Variants in CD247 observed in about 807,000 individuals in gnomAD.
CD247 encodes CD247 molecule.
CD247 carries 13 observed loss-of-function variants against 30.0 expected under a neutral mutation model. That is an observed-to-expected ratio of 0.43 (90% confidence interval 0.28 to 0.69). The LOEUF is 0.69. Ranked by LOEUF, CD247 falls within the 30% of genes least tolerant of loss-of-function variation. CD247 has a pLI of 0.16. For missense variants in CD247, 193 were observed against 212.6 expected (o/e 0.91, Z 0.57); for synonymous variants, 72 against 80.0 (o/e 0.90, Z 0.53).
At chr1:167,439,220 G>T in intron 3 of CD247, 124 bp downstream of exon 3, 1 of 835,658 alleles carries the variant, frequency 1.2e-6, no homozygotes. Context: ...ACAAGTTGCA[G>T]CCGGGTCGCA....
chr1:167,453,905 T>TG (rs1652496750), intron 1 of CD247, among the ~76,000 whole-genome samples: 2 of 152,140 alleles, frequency 1.3e-5, no homozygotes, highest in African/African-American at 4.8e-5. Context: ...TGGAGGCTGC[T>TG]GTGAGCTGTG....
intron 3 of CD247, 77 bp from the exon 4 acceptor site, chr1:167,438,727 G>T: frequency 8.6e-7 from 1 of 1,163,538 alleles, no homozygotes; most frequent in Non-Finnish European, 1.3e-6. Context: ...TGGGGAGTGT[G>T]GTTTCCCTCT....
At chr1:167,479,128 T>C (rs897858057) in intron 1 of CD247, among the ~76,000 whole-genome samples, 2 of 152,210 alleles carry the variant, frequency 1.3e-5, no homozygotes, top group East Asian at 1.9e-4. Context: ...CAAACTCACA[T>C]AGCTAATGGA....
intron 1 of CD247, among the ~76,000 whole-genome samples, chr1:167,516,615 G>A (rs7549528): frequency 0.052 from 7,921 of 152,176 alleles, 690 homozygotes; most frequent in African/African-American, 0.18. Context: ...TCTCTGAGTC[G>A]CGCTTTGCCT....
intron 1 of CD247, among the ~76,000 whole-genome samples, chr1:167,448,767 A>G (rs1652208845): frequency 1.3e-5 from 2 of 152,226 alleles, no homozygotes; most frequent in Non-Finnish European, 2.9e-5. Context: ...ACGCTGAGGC[A>G]AAAGAATCGC....
At chr1:167,455,746 C>G (rs1652622090) in intron 1 of CD247, among the ~76,000 whole-genome samples, 1 of 152,248 alleles carries the variant, frequency 6.6e-6, no homozygotes, top group African/African-American at 2.4e-5. Context: ...GGGCGTGGAT[C>G]TGCGCCGGGC....
At chr1:167,498,849 A>G (rs756061233) in intron 1 of CD247, among the ~76,000 whole-genome samples, 1 of 152,178 alleles carries the variant, frequency 6.6e-6, no homozygotes, top group Non-Finnish European at 1.5e-5. Context: ...CGGACACAAG[A>G]GGCACTTGCA....
intron 1 of CD247, among the ~76,000 whole-genome samples, chr1:167,501,378 G>T (rs533775722): frequency 6.6e-6 from 1 of 152,122 alleles, no homozygotes; most frequent in Non-Finnish European, 1.5e-5. Context: ...TCTTAACCAG[G>T]GGTCATACAT....
chr1:167,508,666 G>A (rs1655251656), intron 1 of CD247, among the ~76,000 whole-genome samples: 1 of 152,170 alleles, frequency 6.6e-6, no homozygotes, highest in Non-Finnish European at 1.5e-5. Context: ...TCTCGACTCT[G>A]TGGAAATCAA....
chr1:167,473,410 A>G (rs1653614794), intron 1 of CD247, among the ~76,000 whole-genome samples: 1 of 152,046 alleles, frequency 6.6e-6, no homozygotes, highest in South Asian at 2.1e-4. Context: ...CCTGCAGACC[A>G]CCCACGCCCA....
At chr1:167,479,801 G>C (rs1458181963) in intron 1 of CD247, among the ~76,000 whole-genome samples, 1 of 152,156 alleles carries the variant, frequency 6.6e-6, no homozygotes. Flanking sequence ...CTACCCATTG[G>C]TTGAGGTTGC....
chr1:167,500,311 G>T (rs938119558), intron 1 of CD247, among the ~76,000 whole-genome samples: 2 of 152,122 alleles, frequency 1.3e-5, no homozygotes, highest in Non-Finnish European at 2.9e-5. Context: ...AGTAATTCCT[G>T]TCACTTTTAT....
Position 167,438,602 on chromosome 1 carries a change from G to T in CD247, c.268C>A (p.Arg90Ser), listed in dbSNP as rs148513413. 1 of 1,614,044 alleles carries T rather than the reference G, an allele frequency of 6.2e-7. No individual in the cohort carries two copies. The change falls in exon 4 of 8, where the codon CGT (arginine) becomes AGT (serine). Residue 90 changes from arginine to serine, a missense_variant. Coordinates refer to ENST00000362089, the MANE Select transcript of CD247 (RefSeq NM_198053.3). ...REEYDVLDKR[R>S]GRDPEMGGKP... ...CCCCCCATCTCAGGGTCCCGGCCACGTCTCTTGTCCAAAACATCGTACTCC... is the reference window on the plus strand; with the variant it reads ...CCCCCCATCTCAGGGTCCCGGCCACTTCTCTTGTCCAAAACATCGTACTCC...
intron 4 of CD247, among the ~76,000 whole-genome samples, chr1:167,437,069 G>C (rs554131925): frequency 2.6e-5 from 4 of 152,216 alleles, no homozygotes; most frequent in African/African-American, 7.2e-5. Context: ...ACGGCTGGGC[G>C]CGGGGGCTTA....
intron 1 of CD247, among the ~76,000 whole-genome samples, chr1:167,500,284 A>G (rs1383520789): frequency 6.6e-6 from 1 of 152,196 alleles, no homozygotes; most frequent in Non-Finnish European, 1.5e-5. Context: ...ACATGACCCA[A>G]TGCTTTATTG....
At chr1:167,471,783 T>G (rs556634580) in intron 1 of CD247, among the ~76,000 whole-genome samples, 1 of 151,852 alleles carries the variant, frequency 6.6e-6, no homozygotes, top group African/African-American at 2.4e-5. Context: ...TTTCTTTTGA[T>G]GTACCCTCTT....
At chr1:167,491,973 G>A (rs969424077) in intron 1 of CD247, among the ~76,000 whole-genome samples, 6 of 152,142 alleles carry the variant, frequency 3.9e-5, no homozygotes, top group African/African-American at 9.7e-5. Context: ...GGGAGGAGGC[G>A]GGAATGGGGA....
At chr1:167,432,948 G>A (rs769103751) in intron 7 of CD247, 76 bp downstream of exon 7, 23 of 1,531,736 alleles carry the variant, frequency 1.5e-5, no homozygotes, top group Non-Finnish European at 2.1e-5. Context: ...CCACCAGCAG[G>A]CAAAATGTGG....
chr1:167,494,775 A>T lies in CD247; in HGVS notation c.58+23633T>A, dbSNP rs1654612760. Among the ~76,000 whole-genome samples, 1 of 152,204 alleles carries T rather than the reference A, an allele frequency of 6.6e-6. No individual in the cohort carries two copies. The highest frequency in any genetic ancestry group is 2.4e-5 in the African/African-American group (1 of 41,440). ...GTTTATTAAAGAATGTGAAGGTCTCATCAAAAACCAAGCATGAGAGGCAAG... is the reference window on the plus strand; with the variant it reads ...GTTTATTAAAGAATGTGAAGGTCTCTTCAAAAACCAAGCATGAGAGGCAAG... On this transcript the variant is annotated intron_variant, in intron 1 of 7. Transcript: ENST00000362089. This position sits in a 1 kb window ranked among gnomAD's most constrained non-coding sequence, Gnocchi z 7.3.
Sources: allele counts gnomAD v4.1 joint callset (sites outside exome capture counted in the v4.1 genomes callset), GRCh38; gene constraint gnomAD v4.1.1; non-coding constraint Gnocchi (gnomAD v3.1); transcripts MANE v1.5; gene names NCBI Gene and HGNC (gene_info 2026-07-23, HGNC 2026-07-21).